Variants in TENM3 observed in about 807,000 individuals in gnomAD.
The protein encoded by TENM3 is teneurin-3.
A neutral mutation model predicts 255.1 loss-of-function variants in TENM3; 63 were observed. The observed-to-expected ratio is 0.25, with a 90% confidence interval of 0.20 to 0.30. The LOEUF is 0.30. Ranked by LOEUF, TENM3 falls within the 10% of genes least tolerant of loss-of-function variation. TENM3 has a pLI of 1.00. For synonymous variants in TENM3, 1,306 were observed against 1,322.3 expected, an observed-to-expected ratio of 0.99 and a Z score of 0.27; for missense variants, 2,929 against 3,461.1, an observed-to-expected ratio of 0.85 and a Z score of 3.86.
the TENM3 span, among the ~76,000 whole-genome samples, chr4:181,769,849 ATTATCT>A: frequency 6.6e-6 from 1 of 152,130 alleles, no homozygotes; most frequent in South Asian, 2.1e-4. Context: ...TTTTGTGGAG[ATTATCT>A]TTATAATTCT....
intron 1 of TENM3, among the ~76,000 whole-genome samples, chr4:182,213,726 G>T (rs1755211165): frequency 6.6e-6 from 1 of 152,148 alleles, no homozygotes; most frequent in Non-Finnish European, 1.5e-5. Flanking sequence ...ACCCCACTAC[G>T]ATAATAGAAT....
rs1561180337 is a variant in TENM3 at position 182,736,824 on chromosome 4, C to G, written c.2984C>G (p.Thr995Ser). 1 of 1,613,326 alleles carries G rather than the reference C, an allele frequency of 6.2e-7. No individual in the cohort carries two copies. Among genetic ancestry groups the G allele is most frequent in the Non-Finnish European group, 8.5e-7 (1 of 1,179,666 alleles). Residue 995 changes from threonine to serine, a missense_variant, in exon 17 of 28, where the codon ACT (threonine) becomes AGT (serine). Thr to Ser is a moderately conservative substitution (Grantham distance 58). Coordinates refer to ENST00000511685, the MANE Select transcript of TENM3 (RefSeq NM_001080477.4). ...CAAACTTAGGTACTCCACGAGGAAA[C>G]TACAATTCCAGGAACAGATTTGAAA... ...IPETQVLHEE[T>S]TIPGTDLKLS...
chr4:181,528,804 T>G, the TENM3 span, among the ~76,000 whole-genome samples: 1 of 152,088 alleles, frequency 6.6e-6, no homozygotes, highest in Middle Eastern at 3.4e-3. Flanking sequence ...GCTGCTCAGG[T>G]TCCTTCCCTG....
the TENM3 span, among the ~76,000 whole-genome samples, chr4:181,816,737 C>T: frequency 6.2e-3 from 951 of 152,260 alleles, 9 homozygotes; most frequent in Middle Eastern, 0.01. Context: ...CTTCCCCATC[C>T]ACTAGGCCAA....
intron 1 of TENM3, among the ~76,000 whole-genome samples, chr4:182,232,667 G>A (rs529232188): frequency 4.5e-4 from 68 of 152,174 alleles, no homozygotes; most frequent in South Asian, 1.7e-3. Flanking sequence ...CTGCACTCCA[G>A]CCTGGCAACA....
At chr4:181,625,601 A>G in the TENM3 span, among the ~76,000 whole-genome samples, 12 of 152,110 alleles carry the variant, frequency 7.9e-5, no homozygotes, top group Non-Finnish European at 1.8e-4. Flanking sequence ...TCACGAGGTC[A>G]AGAGATTGAG....
chr4:181,465,037 G>A, the TENM3 span, among the ~76,000 whole-genome samples: 1 of 152,096 alleles, frequency 6.6e-6, no homozygotes, highest in African/African-American at 2.4e-5. Flanking sequence ...CATCTAACCC[G>A]AGGTGAAGCA....
the TENM3 span, among the ~76,000 whole-genome samples, chr4:181,589,878 A>G: frequency 1.3e-5 from 2 of 152,202 alleles, no homozygotes; most frequent in African/African-American, 4.8e-5. Flanking sequence ...TCCTTCTAGT[A>G]TCGAGAGGAC....
chr4:182,182,627 G>C (rs547302967), intron 1 of TENM3, among the ~76,000 whole-genome samples: 33 of 152,256 alleles, frequency 2.2e-4, no homozygotes, highest in African/African-American at 7.9e-4. Flanking sequence ...AAGCAGTGAT[G>C]TCTAAGGCCA....
At chr4:182,546,891 T>C (rs1741504544) in intron 3 of TENM3, among the ~76,000 whole-genome samples, 1 of 152,202 alleles carries the variant, frequency 6.6e-6, no homozygotes, top group Non-Finnish European at 1.5e-5. Flanking sequence ...TATTGGAATC[T>C]GTGTATACCT....
At chr4:181,883,334 T>A in the TENM3 span, among the ~76,000 whole-genome samples, 2 of 152,168 alleles carry the variant, frequency 1.3e-5, no homozygotes, top group African/African-American at 2.4e-5. Context: ...CTCATTCAAA[T>A]CGTGCATGTT....
the TENM3 span, among the ~76,000 whole-genome samples, chr4:182,128,943 T>C: frequency 6.6e-6 from 1 of 150,484 alleles, no homozygotes; most frequent in Non-Finnish European, 1.5e-5. Flanking sequence ...CTCATATTTT[T>C]CATACTCAAA....
At chr4:182,701,417 T>G (rs1339758811) in intron 12 of TENM3, among the ~76,000 whole-genome samples, 2 of 151,844 alleles carry the variant, frequency 1.3e-5, no homozygotes, top group Non-Finnish European at 2.9e-5. Flanking sequence ...AGACGAGGTT[T>G]CCTCGTGTTA....
chr4:182,715,510 A>C (rs1759086751), intron 13 of TENM3, among the ~76,000 whole-genome samples: 1 of 152,246 alleles, frequency 6.6e-6, no homozygotes, highest in South Asian at 2.1e-4. Context: ...GAGAAGATGC[A>C]TGTGAAGTGT....
chr4:181,574,651 A>T, the TENM3 span, among the ~76,000 whole-genome samples: 1 of 152,238 alleles, frequency 6.6e-6, no homozygotes, highest in Non-Finnish European at 1.5e-5. Context: ...ATGAGAGAAC[A>T]AGTTATTAGA....
the TENM3 span, among the ~76,000 whole-genome samples, chr4:181,933,473 C>A: frequency 2.0e-5 from 3 of 152,100 alleles, no homozygotes; most frequent in African/African-American, 7.2e-5. Flanking sequence ...ATTCTATGAA[C>A]TTTTGTCGTC....
chr4:182,475,156 G>A (rs917581926), intron 3 of TENM3, among the ~76,000 whole-genome samples: 14 of 152,244 alleles, frequency 9.2e-5, no homozygotes, highest in Admixed American at 7.2e-4. Flanking sequence ...TTCTGGAATA[G>A]GAGGACTCCT....
the TENM3 span, among the ~76,000 whole-genome samples, chr4:181,472,824 A>G: frequency 6.6e-6 from 1 of 152,088 alleles, no homozygotes; most frequent in Admixed American, 6.5e-5. Flanking sequence ...TGTCCATCCT[A>G]GGAAGTTACC....
At chr4:182,469,390 A>G (rs931227209) in intron 3 of TENM3, among the ~76,000 whole-genome samples, 1 of 152,180 alleles carries the variant, frequency 6.6e-6, no homozygotes, top group Non-Finnish European at 1.5e-5. Context: ...GGACTTAACC[A>G]AGATCTTGAG....
Sources: gnomAD v4.1 joint callset for allele counts (sites outside exome capture counted in the v4.1 genomes callset) on GRCh38, gnomAD v4.1.1 for gene constraint, MANE v1.5 for transcripts, NCBI Gene and HGNC (gene_info 2026-07-23, HGNC 2026-07-21) for gene names.